TECPR2: variants seen among roughly 807,000 people sequenced by gnomAD.
The protein encoded by TECPR2 is tectonin beta-propeller repeat-containing protein 2.
A neutral mutation model predicts 138.1 loss-of-function variants in TECPR2; 65 were observed. That is an observed-to-expected ratio of 0.47 (90% CI 0.39 to 0.58). TECPR2 has a LOEUF of 0.58. TECPR2 is among the 20% of genes least tolerant of loss of function. The pLI is 0.00. For synonymous variants in TECPR2, 746 were observed against 749.8 expected (o/e 0.99, Z 0.08); for missense variants, 1,553 against 1,824.5 (o/e 0.85, Z 2.71).
chr14:102,501,809 T>TC lies in TECPR2; in HGVS notation c.*3553dup, dbSNP rs1332616988. ...ATTAAAAACCAATAGGAGGAGCACT[T>TC]CGAGTCGAGTGTAAGGGCCCTTCAC... On this transcript the variant is annotated 3_prime_UTR_variant, in exon 20 of 20. Transcript: ENST00000359520. 6.6e-6 allele frequency: 1 copy of TC among 152,148 alleles called. No homozygotes were observed. The highest frequency in any genetic ancestry group is 1.5e-5 in the Non-Finnish European group (1 of 68,030). The allele number at this position is 152,148 out of a possible 1,614,324, so 9.4% of individuals were successfully genotyped here. A position where few individuals can be genotyped will look rare whatever the true frequency, so the allele number is the denominator to read the frequency against.
chr14:102,491,302 A>G (rs1269999414), intron 17 of TECPR2, among the ~76,000 whole-genome samples: 2 of 151,790 alleles, frequency 1.3e-5, no homozygotes, highest in Non-Finnish European at 2.9e-5. Context: ...TGCAGCCTCA[A>G]ACTCCTGGGC....
At chr14:102,486,273 T>C (rs1891024439) in intron 17 of TECPR2, among the ~76,000 whole-genome samples, 1 of 152,134 alleles carries the variant, frequency 6.6e-6, no homozygotes. Flanking sequence ...TCCAAATGTT[T>C]TTTAGCAGTG....
At chr14:102,405,738 G>A (rs1852658994) in intron 2 of TECPR2, among the ~76,000 whole-genome samples, 2 of 152,190 alleles carry the variant, frequency 1.3e-5, no homozygotes. Context: ...ATATTCATAG[G>A]AGCCTTATTC....
chr14:102,414,749 T>C lies in TECPR2; in HGVS notation c.594T>C (p.Thr198=). 6.2e-7 allele frequency: 1 copy of C among 1,614,216 alleles called. No individual in the cohort carries two copies. Among genetic ancestry groups the C allele is most frequent in the Non-Finnish European group, 8.5e-7 (1 of 1,180,036 alleles). Residue 198 remains threonine, a synonymous_variant, in exon 5 of 20, where the codon ACT becomes ACC. Coordinates refer to ENST00000359520, the MANE Select transcript of TECPR2 (RefSeq NM_014844.5). ...TGCAAAGAAGTCTGCTCTTTTACAC[T>C]GAAGAAAAGTCTGTAAGGCAAATTG... ...STLQRSLLFY[T]EEKSVRQIGT... is the part of the protein sequence containing the mutation.
chr14:102,410,015 A>T (rs1888780852), intron 4 of TECPR2, among the ~76,000 whole-genome samples: 1 of 151,508 alleles, frequency 6.6e-6, no homozygotes, highest in Admixed American at 6.6e-5. Flanking sequence ...CGTTTTAGCC[A>T]GGATGGTTTC....
intron 2 of TECPR2, among the ~76,000 whole-genome samples, chr14:102,382,133 A>C (rs945952374): frequency 3.3e-5 from 5 of 152,168 alleles, no homozygotes; most frequent in African/African-American, 1.2e-4. Flanking sequence ...CTCTACTAAA[A>C]ATACAAAAAA....
At chr14:102,416,907 C>T (rs987049053) in intron 5 of TECPR2, among the ~76,000 whole-genome samples, 3 of 152,142 alleles carry the variant, frequency 2.0e-5, no homozygotes, top group Non-Finnish European at 4.4e-5. Context: ...TCGCTTGAAC[C>T]GGGGAGACAA....
intron 7 of TECPR2, 106 bp from the exon 8 acceptor site, chr14:102,431,690 G>C: frequency 8.8e-7 from 1 of 1,136,322 alleles, no homozygotes; most frequent in South Asian, 1.7e-5. Context: ...TCTTTAGCTG[G>C]CTGGTGCCTC....
chr14:102,363,403 G>A (rs1887239569), intron 1 of TECPR2, among the ~76,000 whole-genome samples: 1 of 150,952 alleles, frequency 6.6e-6, no homozygotes, highest in African/African-American at 2.4e-5. Context: ...TGCGCGTCCC[G>A]CGCCCTCGGC....
Position 102,432,134 on chromosome 14 carries a change from C to T in TECPR2, c.1417+6C>T. On this transcript the variant is annotated splice_donor_region_variant and intron_variant, in intron 8 of 19. Coordinates refer to ENST00000359520, the MANE Select transcript of TECPR2 (RefSeq NM_014844.5). ...GAAGAAGAAGAAGAAGACAGGTACC[C>T]TCTGTAGCTGGCACACACCCATCTG... 1 of 1,543,520 alleles carries T rather than the reference C, an allele frequency of 6.5e-7. No individual in the cohort carries two copies. The highest frequency in any genetic ancestry group is 8.8e-7 in the Non-Finnish European group (1 of 1,141,622).
chr14:102,432,229 A>T (rs1289728601), intron 8 of TECPR2, 101 bp downstream of exon 8: 3 of 1,218,860 alleles, frequency 2.5e-6, no homozygotes, highest in Non-Finnish European at 3.3e-6. Context: ...CATACATCCA[A>T]AAGCAGAGAA....
At chr14:102,492,755 G>A (rs867050602) in intron 17 of TECPR2, among the ~76,000 whole-genome samples, 8 of 152,358 alleles carry the variant, frequency 5.3e-5, no homozygotes, top group South Asian at 2.1e-4. Context: ...TGAGCAACGC[G>A]TGAGGGGGCG....
chr14:102,409,927 C>T lies in TECPR2; in HGVS notation c.480+1308C>T, dbSNP rs544173381. On this transcript the variant is annotated intron_variant, in intron 4 of 19. Coordinates refer to ENST00000359520, the MANE Select transcript of TECPR2 (RefSeq NM_014844.5). ...TCAAGGGATTCTCATGCCTCAGCCTCCCGAGTAGCTGGGACTACAGGCACC... is the reference window on the plus strand; with the variant it reads ...TCAAGGGATTCTCATGCCTCAGCCTTCCGAGTAGCTGGGACTACAGGCACC... Among the ~76,000 whole-genome samples, 5 of 152,222 alleles carry T rather than the reference C, an allele frequency of 3.3e-5. No homozygotes were observed. The South Asian group carries it at 1.0e-3, about 32-fold the overall frequency.
At chr14:102,466,365 C>T (rs1890550858) in intron 17 of TECPR2, among the ~76,000 whole-genome samples, 1 of 152,186 alleles carries the variant, frequency 6.6e-6, no homozygotes, top group South Asian at 2.1e-4. Flanking sequence ...TGATACGGCA[C>T]TGTCAAACAT....
chr14:102,476,386 A>G (rs569434579), intron 17 of TECPR2, among the ~76,000 whole-genome samples: 1 of 151,316 alleles, frequency 6.6e-6, no homozygotes, highest in Non-Finnish European at 1.5e-5. Flanking sequence ...AAAAAACAAC[A>G]AAACAAAAAA....
At position 102,432,298 on chromosome 14, in the gene TECPR2, T is replaced by TACACACACACACACAC. The variant is rs10650505; in HGVS notation, c.1417+179_1417+194dup. 2.6e-3 allele frequency among the ~76,000 whole-genome samples: 382 copies of TACACACACACACACAC among 148,892 alleles called. 1 individual carries two copies. The Middle Eastern group carries it at 0.031, about 12-fold the overall frequency. ...CAAAATACTTCACATTAACGGAAAATACACACACACACACACACACACACT... is the reference window on the plus strand; with the variant it reads ...CAAAATACTTCACATTAACGGAAAATACACACACACACACACACACACACACACACACACACACACT... On this transcript the variant is annotated intron_variant, in intron 8 of 19. Coordinates refer to ENST00000359520, the MANE Select transcript of TECPR2 (RefSeq NM_014844.5).
chr14:102,416,705 C>T (rs1249482895), intron 5 of TECPR2, among the ~76,000 whole-genome samples: 7 of 152,182 alleles, frequency 4.6e-5, no homozygotes, highest in Non-Finnish European at 1.0e-4. Context: ...GGCCCTTGGC[C>T]GGACACAGTG....
chr14:102,428,222 G>GTTTTTTTTTTTTTTTTTTTTT lies in TECPR2; in HGVS notation c.952-26_952-6dup, dbSNP rs565236204. On this transcript the variant is annotated intron_variant, in intron 6 of 19. Coordinates refer to ENST00000359520, the MANE Select transcript of TECPR2 (RefSeq NM_014844.5). ...ACCGTTGTTTAGTTTTGTGTTTTTT[G>GTTTTTTTTTTTTTTTTTTTTT]TTTTTTTTTTTTTTTTTTTTTTGAC... 6.5e-5 allele frequency: 69 copies of GTTTTTTTTTTTTTTTTTTTTT among 1,058,622 alleles called. 1 individual carries two copies. The highest frequency in any genetic ancestry group is 3.1e-4 in the South Asian group (16 of 51,650). 65.6% of individuals were successfully genotyped at this position (1,058,622 alleles called of 1,614,324 possible). A position where few individuals can be genotyped will look rare whatever the true frequency, so the allele number is the denominator to read the frequency against.
intron 16 of TECPR2, 146 bp downstream of exon 16, chr14:102,452,773 T>A (rs1200371457): frequency 1.5e-6 from 1 of 661,254 alleles, no homozygotes; most frequent in East Asian, 2.7e-5. Context: ...TTTCAGGAGC[T>A]CAGTTGGCCA....
Sources: gnomAD v4.1 joint callset for allele counts (sites outside exome capture counted in the v4.1 genomes callset) on GRCh38, gnomAD v4.1.1 for gene constraint, MANE v1.5 for transcripts, NCBI Gene and HGNC (gene_info 2026-07-23, HGNC 2026-07-21) for gene names.